GPAM: variants seen among roughly 807,000 people sequenced by gnomAD.
GPAM encodes the protein glycerol-3-phosphate acyltransferase 1, mitochondrial.
In GPAM, 56 loss-of-function variants were observed where a neutral mutation model predicts 105.0. That is an observed-to-expected ratio of 0.53 (90% confidence interval 0.43 to 0.67). The LOEUF is 0.67. GPAM is among the 30% of genes least tolerant of loss of function. The pLI is 0.00. For missense variants in GPAM, 855 were observed against 989.8 expected, an observed-to-expected ratio of 0.86 and a Z score of 1.83; for synonymous variants, 368 against 354.4, an observed-to-expected ratio of 1.04 and a Z score of -0.43.
intron 1 of GPAM, among the ~76,000 whole-genome samples, chr10:112,192,834 A>G (rs902599121): frequency 2.0e-5 from 3 of 152,258 alleles, no homozygotes; most frequent in Non-Finnish European, 4.4e-5. Context: ...ATAGAAGCCC[A>G]TGTCTATGGA....
chr10:112,214,572 C>T (rs1847948003), intron 1 of GPAM, among the ~76,000 whole-genome samples: 1 of 152,158 alleles, frequency 6.6e-6, no homozygotes, highest in Non-Finnish European at 1.5e-5. Flanking sequence ...GAAAACAACC[C>T]TGAGTAGGGA....
At chr10:112,174,938 T>G (rs140041155) in intron 6 of GPAM, among the ~76,000 whole-genome samples, 3 of 152,290 alleles carry the variant, frequency 2.0e-5, no homozygotes, top group African/African-American at 7.2e-5. Flanking sequence ...AGCCTTTTAA[T>G]TCACCCTGGT....
chr10:112,154,936 G>C, intron 20 of GPAM: 1 of 563,506 alleles, frequency 1.8e-6, no homozygotes, highest in Non-Finnish European at 3.2e-6. Context: ...AAGAAAAGAG[G>C]GTGTAGAGAG....
At chr10:112,202,179 T>C (rs1847805578) in intron 1 of GPAM, among the ~76,000 whole-genome samples, 1 of 152,242 alleles carries the variant, frequency 6.6e-6, no homozygotes, top group Non-Finnish European at 1.5e-5. Context: ...TTGTGGGCTA[T>C]ATGGTCCTGG....
intron 21 of GPAM, chr10:112,154,016 T>C (rs1360572779): frequency 8.0e-6 from 2 of 249,012 alleles, no homozygotes; most frequent in Non-Finnish European, 1.6e-5. Flanking sequence ...AGAACTTACA[T>C]TCCCCATGAA....
intron 21 of GPAM, chr10:112,154,384 G>A (rs772442034): frequency 1.1e-5 from 6 of 567,112 alleles, no homozygotes; most frequent in Non-Finnish European, 1.9e-5. Flanking sequence ...ATATATAGCA[G>A]CTTGGGAATA....
chr10:112,213,692 C>T (rs933665630), intron 1 of GPAM, among the ~76,000 whole-genome samples: 1 of 152,150 alleles, frequency 6.6e-6, no homozygotes, highest in Non-Finnish European at 1.5e-5. Flanking sequence ...CTGACTTGGT[C>T]AGACCCAGAG....
At position 112,161,680 on chromosome 10, in the gene GPAM, T is replaced by C. The variant is rs1224542990; in HGVS notation, c.1481A>G (p.Tyr494Cys). 6.2e-7 allele frequency: 1 copy of C among 1,612,920 alleles called. No individual in the cohort carries two copies. Among genetic ancestry groups the C allele is most frequent in the South Asian group, 1.1e-5 (1 of 90,960 alleles). The change falls in exon 15 of 22, where the codon TAC becomes TGC. Residue 494 changes from tyrosine (Y) to cysteine (C), a missense_variant. Coordinates refer to ENST00000348367, the MANE Select transcript of GPAM (RefSeq NM_001244949.2). ...TTGCAGACATACCTGCCTGTGTCTG[T>C]AGAGGAGCAGGCAAGCCACAATGTG... is the stretch of plus-strand genomic sequence containing the variant. Reference protein sequence around the residue: ...STHIVACLLLYRHRQGIDLST... With the variant: ...STHIVACLLLCRHRQGIDLST...
intron 12 of GPAM, 118 bp downstream of exon 12, chr10:112,166,284 T>C (rs765143372): frequency 1.1e-5 from 8 of 734,776 alleles, no homozygotes; most frequent in Admixed American, 3.8e-5. Context: ...GTCCTCATTT[T>C]ACAGGAGAGC....
chr10:112,203,770 T>A (rs906366629), intron 1 of GPAM, among the ~76,000 whole-genome samples: 2 of 152,206 alleles, frequency 1.3e-5, no homozygotes, highest in African/African-American at 4.8e-5. Context: ...ACCCTTATGA[T>A]TACAGACTTG....
At chr10:112,214,294 A>T (rs1401441969) in intron 1 of GPAM, 1 of 152,216 alleles carries the variant, frequency 6.6e-6, no homozygotes, top group Non-Finnish European at 1.5e-5. Context: ...ATAGGGAAAA[A>T]TCAGTGTTAA....
intron 1 of GPAM, among the ~76,000 whole-genome samples, chr10:112,211,712 C>T (rs1029184564): frequency 5.9e-5 from 9 of 152,136 alleles, no homozygotes; most frequent in African/African-American, 1.9e-4. Flanking sequence ...GCACACAACC[C>T]ATATTTACAG....
intron 20 of GPAM, 114 bp downstream of exon 20, chr10:112,155,750 C>G: frequency 1.5e-6 from 1 of 658,728 alleles, no homozygotes; most frequent in Non-Finnish European, 2.7e-6. Flanking sequence ...TAATACTCTA[C>G]GGTGTTAGAG....
rs754921510 is a variant in GPAM at position 112,173,019 on chromosome 10, T to C, written c.608A>G (p.Asn203Ser). The change falls in exon 8 of 22, where the codon AAC becomes AGC. Residue 203 changes from asparagine to serine, a missense_variant. Coordinates refer to ENST00000348367, the MANE Select transcript of GPAM (RefSeq NM_001244949.2). ...AAGTTGACCTTTGTGAATTTGAATG[T>C]TCCAAAAGAAGCTGTTGAACAGTTT... The part of the protein sequence containing the change: ...LLKLFNSFFW[N>S]IQIHKGQLEM... 1.2e-5 allele frequency: 19 copies of C among 1,610,936 alleles called. No individual in the cohort carries two copies. The South Asian group carries it at 1.8e-4, about 15-fold the overall frequency.
At chr10:112,193,605 T>TGCCA (rs1847688646) in intron 1 of GPAM, among the ~76,000 whole-genome samples, 4 of 152,156 alleles carry the variant, frequency 2.6e-5, no homozygotes, top group Admixed American at 6.5e-5. Flanking sequence ...GAGGTCAGAA[T>TGCCA]CTGTAAAGTG....
intron 21 of GPAM, 31 bp from the exon 22 acceptor site, chr10:112,153,697 CA>C (rs776502566): frequency 1.9e-6 from 3 of 1,601,338 alleles, no homozygotes; most frequent in Non-Finnish European, 2.6e-6. Flanking sequence ...AAATTAAAGG[CA>C]AAAAATAAAA....
At chr10:112,191,030 C>G (rs117169261) in intron 1 of GPAM, among the ~76,000 whole-genome samples, 5,398 of 152,230 alleles carry the variant, frequency 0.035, 142 homozygotes, top group Non-Finnish European at 0.054. Context: ...TGTAAACTTC[C>G]TGGGCTCAAG....
At chr10:112,202,188 G>T (rs1330650872) in intron 1 of GPAM, among the ~76,000 whole-genome samples, 1 of 152,110 alleles carries the variant, frequency 6.6e-6, no homozygotes, top group African/African-American at 2.4e-5. Flanking sequence ...ATATGGTCCT[G>T]GTCACAACTA....
chr10:112,184,874 C>T (rs1011735326), upstream of GPAM, among the ~76,000 whole-genome samples: 26 of 151,992 alleles, frequency 1.7e-4, no homozygotes, highest in East Asian at 9.7e-4. Flanking sequence ...CTCCAGTCTT[C>T]CGCTGATTAG....
Sources: allele counts gnomAD v4.1 joint callset (sites outside exome capture counted in the v4.1 genomes callset), GRCh38; gene constraint gnomAD v4.1.1; transcripts MANE v1.5; gene names NCBI Gene and HGNC (gene_info 2026-07-23, HGNC 2026-07-21).